PHC2: variants seen among roughly 807,000 people sequenced by gnomAD.
PHC2 encodes the protein polyhomeotic-like protein 2.
A neutral mutation model predicts 87.4 loss-of-function variants in PHC2; 29 were observed. The ratio of observed to expected loss-of-function variants is 0.33; its 90% CI spans 0.25 to 0.45. The LOEUF is 0.45. Ranked by LOEUF, PHC2 falls within the 20% of genes least tolerant of loss-of-function variation. The pLI, the probability that PHC2 is intolerant of heterozygous loss-of-function variation, is 1.00. For synonymous variants in PHC2, 438 were observed against 461.7 expected (o/e 0.95, Z 0.66); for missense variants, 857 against 1,136.7 (o/e 0.75, Z 3.54).
At chr1:33,347,085 A>G in intron 9 of PHC2, 1 of 985,568 alleles carries the variant, frequency 1.0e-6, no homozygotes, top group South Asian at 4.7e-5. Flanking sequence ...ACAGGAAATG[A>G]GTAACACAGG....
chr1:33,375,941 G>A (rs1337912474), intron 1 of PHC2, among the ~76,000 whole-genome samples: 1 of 152,166 alleles, frequency 6.6e-6, no homozygotes, highest in African/African-American at 2.4e-5. Context: ...TGGCATCCAA[G>A]GGGGTTCCTG....
rs146737581 is a variant in PHC2 at position 33,354,912 on chromosome 1, C to T, written c.1318G>A (p.Val440Met). Residue 440 changes from valine (V) to methionine (M), a missense_variant, in exon 8 of 15, where the codon GTG becomes ATG. By Grantham distance (21) the Val-to-Met change is conservative (BLOSUM62 1). Transcript: ENST00000683057. ...AACCTGCGTTGAGGGGTGTGGGGCA[C>T]GCCCTCGGGATGTCCATTCTGAGGC... is the stretch of plus-strand genomic sequence containing the variant. The part of the protein sequence containing the change: ...TGPQNGHPEG[V>M]PHTPQRRFQH... 384 of 1,614,154 alleles carry T rather than the reference C, an allele frequency of 2.4e-4. No homozygotes were observed. The highest frequency in any genetic ancestry group is 9.9e-4 in the Middle Eastern group (6 of 6,062).
chr1:33,383,601 G>C (rs1201296430), intron 1 of PHC2, among the ~76,000 whole-genome samples: 5 of 152,228 alleles, frequency 3.3e-5, no homozygotes, highest in Admixed American at 3.3e-4. Context: ...TCTTTTGGAA[G>C]GGATGTACAG....
At chr1:33,371,484 G>T (rs1401503100) in intron 3 of PHC2, among the ~76,000 whole-genome samples, 2 of 151,654 alleles carry the variant, frequency 1.3e-5, no homozygotes, top group African/African-American at 4.8e-5. Context: ...ATCACACCTG[G>T]CCACCGCCAT....
intron 3 of PHC2, 39 bp from the exon 4 acceptor site, chr1:33,371,133 C>T (rs1386366097): frequency 3.9e-6 from 6 of 1,520,366 alleles, no homozygotes; most frequent in East Asian, 4.5e-5. Flanking sequence ...AGTCCCAGAC[C>T]TCCCCCAGTC....
At position 33,331,211 on chromosome 1, in the gene PHC2, T is replaced by G. The variant is rs1557817246; in HGVS notation, c.2006+137A>C. 2.0e-5 allele frequency: 10 copies of G among 505,404 alleles called. No homozygotes were observed. Among genetic ancestry groups the G allele is most frequent in the Non-Finnish European group, 3.5e-5 (10 of 283,418 alleles). 31.3% of individuals were successfully genotyped at this position (505,404 alleles called of 1,614,324 possible). On this transcript the variant is annotated intron_variant, in intron 12 of 14. Coordinates refer to ENST00000683057, the MANE Select transcript of PHC2 (RefSeq NM_001385109.1). This position sits in a 1 kb window ranked among gnomAD's most constrained non-coding sequence, Gnocchi z 5.2. The stretch of plus-strand genomic sequence containing the variant: ...CGTGCTTGTTGAATTAGGGATGCCA[T>G]CCTGCTTCCAGGTGGGTCGAGGAAC...
At chr1:33,354,240 C>A (rs985123051) in intron 9 of PHC2, among the ~76,000 whole-genome samples, 161 bp downstream of exon 9, 1 of 152,162 alleles carries the variant, frequency 6.6e-6, no homozygotes, top group Non-Finnish European at 1.5e-5. Context: ...TTACTTTATC[C>A]CTGGTTCATC....
At chr1:33,339,715 ATGTTT>A (rs1197983603) in intron 9 of PHC2, among the ~76,000 whole-genome samples, 1 of 152,320 alleles carries the variant, frequency 6.6e-6, no homozygotes, top group South Asian at 2.1e-4. Context: ...GCCAGTGCTG[ATGTTT>A]TGTTTTGTTA....
chr1:33,335,598 C>T (rs1423490773), intron 9 of PHC2, among the ~76,000 whole-genome samples: 1 of 152,194 alleles, frequency 6.6e-6, no homozygotes, highest in African/African-American at 2.4e-5. Flanking sequence ...AAAACAGACA[C>T]GTTTGAGAAA....
chr1:33,390,849 T>C (rs763652020), intron 1 of PHC2, among the ~76,000 whole-genome samples: 4 of 152,136 alleles, frequency 2.6e-5, no homozygotes, highest in Non-Finnish European at 5.9e-5. Flanking sequence ...AAACAAGTTG[T>C]GACCTGGATT....
At chr1:33,339,554 C>G (rs1314786443) in intron 9 of PHC2, among the ~76,000 whole-genome samples, 1 of 152,216 alleles carries the variant, frequency 6.6e-6, no homozygotes, top group Non-Finnish European at 1.5e-5. Flanking sequence ...TTGCCAGACC[C>G]AGGCACTTGG....
rs372710430 is a variant in PHC2 at position 33,331,337 on chromosome 1, G to C, written c.2006+11C>G. On this transcript the variant is annotated intron_variant, in intron 12 of 14. Coordinates refer to ENST00000683057, the MANE Select transcript of PHC2 (RefSeq NM_001385109.1). This position sits in a 1 kb window ranked among gnomAD's most constrained non-coding sequence, Gnocchi z 5.2. Reference sequence around the variant, plus strand: ...AGTCCTGGGGAAATGGAGGGGGCTGGGGCCACTCACCTCTTTGCACAAGCC... The same window carrying C: ...AGTCCTGGGGAAATGGAGGGGGCTGCGGCCACTCACCTCTTTGCACAAGCC... The C allele has an allele frequency of 6.8e-7, 1 of 1,461,738 alleles. No homozygotes were observed. The highest frequency in any genetic ancestry group is 2.3e-5 in the East Asian group (1 of 44,094). 90.5% of individuals were successfully genotyped at this position (1,461,738 alleles called of 1,614,324 possible).
chr1:33,377,412 C>A (rs1447913036), intron 1 of PHC2, among the ~76,000 whole-genome samples: 1 of 152,084 alleles, frequency 6.6e-6, no homozygotes, highest in African/African-American at 2.4e-5. Context: ...CAGGGCCCAT[C>A]CTATGGTCTG....
intron 7 of PHC2, among the ~76,000 whole-genome samples, chr1:33,359,394 T>C (rs1392833619): frequency 2.0e-5 from 3 of 152,150 alleles, no homozygotes; most frequent in African/African-American, 4.8e-5. Flanking sequence ...TTCCTAGAAG[T>C]CCACTATAGT....
At chr1:33,367,491 A>G in intron 6 of PHC2, 63 bp from the exon 7 acceptor site, 1 of 1,285,390 alleles carries the variant, frequency 7.8e-7, no homozygotes, top group Non-Finnish European at 1.1e-6. Context: ...GTATACAACT[A>G]AGAGGGAGAG....
At chr1:33,388,785 G>T (rs970059155) in intron 1 of PHC2, among the ~76,000 whole-genome samples, 1 of 152,156 alleles carries the variant, frequency 6.6e-6, no homozygotes, top group African/African-American at 2.4e-5. Context: ...CATTGCTTTA[G>T]ATCAGTGATT....
intron 3 of PHC2, among the ~76,000 whole-genome samples, chr1:33,371,362 C>T (rs540867167): frequency 6.6e-6 from 1 of 152,286 alleles, no homozygotes; most frequent in African/African-American, 2.4e-5. Flanking sequence ...TATTAGGCCA[C>T]CGCCTTCGGT....
intron 7 of PHC2, chr1:33,363,801 G>T: frequency 9.1e-6 from 9 of 985,340 alleles, no homozygotes; most frequent in Non-Finnish European, 1.1e-5. Flanking sequence ...CAAGAACCAA[G>T]TCTCCTATCT....
intron 1 of PHC2, among the ~76,000 whole-genome samples, chr1:33,430,173 ACACT>A (rs1650845308): frequency 6.6e-6 from 1 of 152,136 alleles, no homozygotes; most frequent in African/African-American, 2.4e-5. Context: ...AATTTGTTAG[ACACT>A]CACGTAGAAC....
Sources: gnomAD v4.1 joint callset for allele counts (sites outside exome capture counted in the v4.1 genomes callset) on GRCh38, gnomAD v4.1.1 for gene constraint, Gnocchi (gnomAD v3.1) non-coding constraint, MANE v1.5 for transcripts, NCBI Gene and HGNC (gene_info 2026-07-23, HGNC 2026-07-21) for gene names.